ACBD3: variants seen among roughly 807,000 people sequenced by gnomAD.
ACBD3 encodes acyl-CoA binding domain containing 3.
A neutral mutation model predicts 66.9 loss-of-function variants in ACBD3; 30 were observed. The observed-to-expected ratio is 0.45, with a 90% CI of 0.34 to 0.61. The LOEUF is 0.61. Among genes scored for constraint, ACBD3 ranks in the 20% least tolerant of loss-of-function variants. The pLI is 0.02. For missense variants in ACBD3, 544 were observed against 664.5 expected (o/e 0.82, Z 1.99); for synonymous variants, 278 against 259.8 (o/e 1.07, Z -0.68).
intron 6 of ACBD3, 26 bp from the exon 7 acceptor site, chr1:226,152,645 T>A (rs1440679678): frequency 1.3e-6 from 2 of 1,596,108 alleles, no homozygotes; most frequent in Admixed American, 1.8e-5. Context: ...ATTAAAAAGC[T>A]AAAGAAAAAG....
At chr1:226,170,739 G>A (rs759459751) in intron 1 of ACBD3, among the ~76,000 whole-genome samples, 4 of 152,082 alleles carry the variant, frequency 2.6e-5, no homozygotes, top group Non-Finnish European at 4.4e-5. Flanking sequence ...TGCTATTTGG[G>A]TTTTCTACTA....
At chr1:226,183,713 C>T (rs1176838315) in intron 1 of ACBD3, among the ~76,000 whole-genome samples, 3 of 151,868 alleles carry the variant, frequency 2.0e-5, no homozygotes, top group African/African-American at 4.8e-5. Context: ...GGAGAAACCC[C>T]GTCTCTACTA....
Position 226,186,705 on chromosome 1 carries a change from C to A in ACBD3, c.-30G>T, listed in dbSNP as rs776672458. 1 of 1,453,152 alleles carries A rather than the reference C, an allele frequency of 6.9e-7. No homozygotes were observed. The highest frequency in any genetic ancestry group is 9.0e-7 in the Non-Finnish European group (1 of 1,107,734). The allele number at this position is 1,453,152 out of a possible 1,614,324, so 90.0% of individuals were successfully genotyped here. Reference sequence around the variant, plus strand: ...GGCTGCTGCACCTCCTCAGCGGGGACAGACGGCAGCCACGTATCGACTTCC... The same window carrying A: ...GGCTGCTGCACCTCCTCAGCGGGGAAAGACGGCAGCCACGTATCGACTTCC... On this transcript the variant is annotated 5_prime_UTR_variant, in exon 1 of 8. Coordinates refer to ENST00000366812, the MANE Select transcript of ACBD3 (RefSeq NM_022735.4).
chr1:226,160,461 TAAC>T (rs1005133183), intron 4 of ACBD3, among the ~76,000 whole-genome samples: 2 of 152,100 alleles, frequency 1.3e-5, no homozygotes, highest in African/African-American at 4.8e-5. Flanking sequence ...TATTAATAGA[TAAC>T]AAAGCAAAGC....
chr1:226,167,170 A>T (rs1225855775), intron 1 of ACBD3, among the ~76,000 whole-genome samples: 2 of 152,348 alleles, frequency 1.3e-5, no homozygotes, highest in East Asian at 3.9e-4. Flanking sequence ...AAATAATTTT[A>T]CATTAGTCCC....
In ACBD3 at chr1:226,145,020, C is replaced by T. The variant is rs925692281; in HGVS notation, c.*1590G>A. 3 of 152,466 alleles carry T rather than the reference C, an allele frequency of 2.0e-5. No individual in the cohort carries two copies. Among genetic ancestry groups the T allele is most frequent in the Non-Finnish European group, 2.9e-5 (2 of 68,012 alleles). 9.4% of individuals were successfully genotyped at this position (152,466 alleles called of 1,614,324 possible). A position where few individuals can be genotyped will look rare whatever the true frequency, so the allele number is the denominator to read the frequency against. On this transcript the variant is annotated 3_prime_UTR_variant, in exon 8 of 8. Transcript: ENST00000366812. Reference sequence around the variant, plus strand: ...AAAAAAATCCAGGAAGTGCCTAACTCCATGGTTTCTATACCATATGTACAT... The same window carrying T: ...AAAAAAATCCAGGAAGTGCCTAACTTCATGGTTTCTATACCATATGTACAT...
At chr1:226,173,402 A>T (rs2102787149) in intron 1 of ACBD3, among the ~76,000 whole-genome samples, 1 of 152,286 alleles carries the variant, frequency 6.6e-6, no homozygotes, top group South Asian at 2.1e-4. Flanking sequence ...TTTGTAATCA[A>T]ACACACATAC....
chr1:226,176,363 GA>G (rs1243511159), intron 1 of ACBD3, among the ~76,000 whole-genome samples: 1 of 148,952 alleles, frequency 6.7e-6, no homozygotes, highest in Non-Finnish European at 1.5e-5. Flanking sequence ...CTGGGAGGCA[GA>G]GGTTGCAGTG....
At chr1:226,185,244 A>G (rs1415728700) in intron 1 of ACBD3, among the ~76,000 whole-genome samples, 1 of 152,208 alleles carries the variant, frequency 6.6e-6, no homozygotes, top group Non-Finnish European at 1.5e-5. Context: ...GACCACGAAT[A>G]TGTCATTGAA....
At chr1:226,183,174 CTTTA>C (rs1299297790) in intron 1 of ACBD3, among the ~76,000 whole-genome samples, 4 of 151,812 alleles carry the variant, frequency 2.6e-5, no homozygotes, top group African/African-American at 4.8e-5. Context: ...ATGTTCTTTC[CTTTA>C]TTTATTTATT....
At chr1:226,148,920 G>A (rs1558122396) in intron 7 of ACBD3, among the ~76,000 whole-genome samples, 1 of 152,204 alleles carries the variant, frequency 6.6e-6, no homozygotes, top group Non-Finnish European at 1.5e-5. Context: ...ACTGCTGTGA[G>A]GCTAAAATGT....
chr1:226,183,684 G>A (rs1482223334), intron 1 of ACBD3, among the ~76,000 whole-genome samples: 6 of 152,046 alleles, frequency 3.9e-5, no homozygotes, highest in African/African-American at 1.2e-4. Flanking sequence ...ACCTGAGGTC[G>A]GCAGTTCGAG....
intron 1 of ACBD3, among the ~76,000 whole-genome samples, chr1:226,178,737 C>T (rs1244457289): frequency 6.6e-6 from 1 of 152,048 alleles, no homozygotes; most frequent in Non-Finnish European, 1.5e-5. Flanking sequence ...AAATCTACGG[C>T]GTGGAAAGGA....
At chr1:226,146,924 CT>C (rs1470169350) in intron 7 of ACBD3, 103 bp from the exon 8 acceptor site, 1 of 1,159,578 alleles carries the variant, frequency 8.6e-7, no homozygotes, top group East Asian at 2.4e-5. Flanking sequence ...CAGAGTCTTG[CT>C]CTGTCACCCA....
At chr1:226,169,011 C>T (rs546772352) in intron 1 of ACBD3, among the ~76,000 whole-genome samples, 9 of 152,112 alleles carry the variant, frequency 5.9e-5, no homozygotes, top group East Asian at 3.9e-4. Flanking sequence ...TACAGGTGTG[C>T]GCCACCATAC....
At chr1:226,155,450 C>G (rs1659655382) in intron 5 of ACBD3, among the ~76,000 whole-genome samples, 1 of 150,604 alleles carries the variant, frequency 6.6e-6, no homozygotes, top group South Asian at 2.1e-4. Flanking sequence ...AATAATCAAC[C>G]CAAAATAAAA....
At chr1:226,177,655 G>C (rs959277417) in intron 1 of ACBD3, among the ~76,000 whole-genome samples, 1 of 152,120 alleles carries the variant, frequency 6.6e-6, no homozygotes, top group African/African-American at 2.4e-5. Context: ...TCCCAACCAT[G>C]AGAGTCTGAA....
At chr1:226,150,949 AATTATCTTTGG>A (rs1377786182) in intron 7 of ACBD3, among the ~76,000 whole-genome samples, 1 of 152,216 alleles carries the variant, frequency 6.6e-6, no homozygotes, top group Non-Finnish European at 1.5e-5. Context: ...AATGATACGG[AATTATCTTTGG>A]ATTATCTTTT....
At chr1:226,184,703 TTTTC>T (rs979922085) in intron 1 of ACBD3, among the ~76,000 whole-genome samples, 1 of 152,308 alleles carries the variant, frequency 6.6e-6, no homozygotes, top group South Asian at 2.1e-4. Context: ...GTTTTAATCT[TTTTC>T]TTTGTTTTGA....
Sources: allele counts gnomAD v4.1 joint callset (sites outside exome capture counted in the v4.1 genomes callset), GRCh38; gene constraint gnomAD v4.1.1; transcripts MANE v1.5; gene names NCBI Gene and HGNC (gene_info 2026-07-23, HGNC 2026-07-21).